The following ZDHHC16 variants were observed in gnomAD, a reference collection of about 807,000 sequenced individuals.
The protein encoded by ZDHHC16 is palmitoyltransferase ZDHHC16.
A neutral mutation model predicts 54.4 loss-of-function variants in ZDHHC16; 33 were observed. The ratio of observed to expected loss-of-function variants is 0.61; its 90% CI spans 0.46 to 0.81. ZDHHC16 has a LOEUF of 0.81. ZDHHC16 is among the 30% of genes least tolerant of loss of function. The pLI, the probability that ZDHHC16 is intolerant of heterozygous loss-of-function variation, is 0.00. For missense variants in ZDHHC16, 420 were observed against 485.9 expected, an observed-to-expected ratio of 0.86 and a Z score of 1.28; for synonymous variants, 185 against 182.1, an observed-to-expected ratio of 1.02 and a Z score of -0.13.
At chr10:97,455,938 TAGA>T in intron 10 of ZDHHC16, 33 bp from the exon 11 acceptor site, 1 of 1,613,270 alleles carries the variant, frequency 6.2e-7, no homozygotes, top group Non-Finnish European at 8.5e-7. Context: ...TCTGAAAAAT[TAGA>T]AGTTCAAAGA....
rs1394618179 is a variant in ZDHHC16 at position 97,457,063 on chromosome 10, G to A, written c.*172G>A. ...AGCCTTTTTACCACTGCAGAAGAAA[G>A]ACACAATGTGGAGAAATCTTAGGAC... On this transcript the variant is annotated 3_prime_UTR_variant, in exon 12 of 12. Coordinates refer to ENST00000393760, the MANE Select transcript of ZDHHC16 (RefSeq NM_198046.3). The A allele has an allele frequency of 6.9e-6, 3 of 437,760 alleles. No homozygotes were observed. Among genetic ancestry groups the A allele is most frequent in the Admixed American group, 7.6e-5 (2 of 26,282 alleles). 27.1% of individuals were successfully genotyped at this position (437,760 alleles called of 1,614,324 possible).
rs1363987382 is a variant in ZDHHC16 at position 97,449,809 on chromosome 10, C to T, written c.-185-548C>T. On this transcript the variant is annotated intron_variant, in intron 1 of 11. Transcript: ENST00000393760. Reference sequence around the variant, plus strand: ...CTTCCCAAAGTGTTGGGAGTACAGGCGTGAGCCACTGCGCCCGGCCTTTTT... The same window carrying T: ...CTTCCCAAAGTGTTGGGAGTACAGGTGTGAGCCACTGCGCCCGGCCTTTTT... Among the ~76,000 whole-genome samples the T allele has an allele frequency of 1.4e-4, 21 of 149,388 alleles. No individual in the cohort carries two copies. The South Asian group carries it at 3.2e-3, about 23-fold the overall frequency.
Position 97,456,054 on chromosome 10 carries a change from GAC to G in ZDHHC16, c.1019+16_1019+17del. On this transcript the variant is annotated intron_variant, in intron 11 of 11. Transcript: ENST00000393760. The stretch of plus-strand genomic sequence containing the variant: ...GTGTGGATACAGGAAGGTAATGTAA[GAC>G]ACACAGACTAATGCTGTCCAACAGA... 6.2e-7 allele frequency: 1 copy of G among 1,613,792 alleles called. No individual in the cohort carries two copies. The highest frequency in any genetic ancestry group is 8.5e-7 in the Non-Finnish European group (1 of 1,179,738).
At position 97,452,135 on chromosome 10, in the gene ZDHHC16, A is replaced by G. The variant is rs564204081; in HGVS notation, c.289A>G (p.Ile97Val). Residue 97 changes from isoleucine to valine, a missense_variant, in exon 4 of 12, where the codon ATC (isoleucine) becomes GTC (valine). Coordinates refer to ENST00000393760, the MANE Select transcript of ZDHHC16 (RefSeq NM_198046.3). ...CGTGCTGACAGGCTCCATTGTAGCT[A>G]TCGCCTACCTGTGTGTCCTGCCTCT... ...VIVLTGSIVA[I>V]AYLCVLPLIL... is the part of the protein sequence containing the mutation. 2.5e-5 allele frequency: 40 copies of G among 1,614,036 alleles called. No homozygotes were observed. Among genetic ancestry groups the G allele is most frequent in the East Asian group, 1.8e-4 (8 of 44,872 alleles).
intron 9 of ZDHHC16, among the ~76,000 whole-genome samples, chr10:97,455,360 T>C (rs1847071407): frequency 6.6e-6 from 1 of 151,568 alleles, no homozygotes; most frequent in South Asian, 2.1e-4. Flanking sequence ...AGTCTTGCTA[T>C]GTTGCCCAGG....
At chr10:97,453,020 C>A (rs969897325) in intron 6 of ZDHHC16, 97 bp downstream of exon 6, 1 of 1,519,368 alleles carries the variant, frequency 6.6e-7, no homozygotes, top group Non-Finnish European at 9.1e-7. Flanking sequence ...GTGCAGAGAA[C>A]ACTGGAGTTG....
rs746379497 is a variant in ZDHHC16 at position 97,452,081 on chromosome 10, T to G, written c.244-9T>G. 1 of 1,613,728 alleles carries G rather than the reference T, an allele frequency of 6.2e-7. No homozygotes were observed. The highest frequency in any genetic ancestry group is 8.5e-7 in the Non-Finnish European group (1 of 1,180,002). On this transcript the variant is annotated splice_polypyrimidine_tract_variant and intron_variant, in intron 3 of 11. Transcript: ENST00000393760. ...CGCCATGTCTCCCTGACCTTGCTGG[T>G]GTTGGCAGGTGTTCGTGGTCCTGGT...
chr10:97,448,838 A>G (rs1846338609), intron 1 of ZDHHC16, among the ~76,000 whole-genome samples: 1 of 152,244 alleles, frequency 6.6e-6, no homozygotes, highest in Admixed American at 6.5e-5. Flanking sequence ...GATTTAAAGT[A>G]TATGGGAAGA....
intron 1 of ZDHHC16, among the ~76,000 whole-genome samples, chr10:97,448,636 A>G (rs1415538687): frequency 1.3e-5 from 2 of 152,214 alleles, no homozygotes; most frequent in Non-Finnish European, 2.9e-5. Context: ...AGGTGCCTGT[A>G]ATCCCAGCTA....
chr10:97,449,812 G>A (rs1846432029), intron 1 of ZDHHC16, among the ~76,000 whole-genome samples: 1 of 150,970 alleles, frequency 6.6e-6, no homozygotes, highest in Non-Finnish European at 1.5e-5. Context: ...GTACAGGCGT[G>A]AGCCACTGCG....
rs199938548 is a variant in ZDHHC16, at chr10:97,453,541, A to G, written c.568A>G (p.Asn190Asp). Residue 190 changes from asparagine to aspartate, a missense_variant, in exon 7 of 12, where the codon AAT (asparagine) becomes GAT (aspartate). Physicochemically the swap from Asn to Asp is conservative, Grantham distance 23. Transcript: ENST00000393760. ...KMDHHCPWLN[N>D]CVGHYNHRYF... ...CATTTCCCAACCAGCCTGGCTAAAC[A>G]ATTGTGTGGGCCACTATAACCATCG... The G allele has an allele frequency of 6.2e-7, 1 of 1,614,080 alleles. No homozygotes were observed. Among genetic ancestry groups the G allele is most frequent in the Non-Finnish European group, 8.5e-7 (1 of 1,180,020 alleles).
chr10:97,451,876 T>C lies in ZDHHC16; in HGVS notation c.201T>C (p.Pro67=). The C allele has an allele frequency of 6.2e-7, 1 of 1,614,034 alleles. No individual in the cohort carries two copies. The highest frequency in any genetic ancestry group is 1.1e-5 in the South Asian group (1 of 91,058). Residue 67 remains proline (P), a synonymous_variant, in exon 3 of 12, where the codon CCT becomes CCC. Transcript: ENST00000393760. ...SDTAVDAAFE[P]VYWLVDNVIR... is the part of the protein sequence containing the mutation. The stretch of plus-strand genomic sequence containing the variant: ...CCGCTGTTGATGCTGCCTTTGAGCC[T>C]GTCTACTGGCTGGTAGACAACGTGA...
intron 1 of ZDHHC16, among the ~76,000 whole-genome samples, chr10:97,449,869 T>TTG (rs1846452659): frequency 7.8e-6 from 1 of 128,192 alleles, no homozygotes; most frequent in Admixed American, 7.4e-5. Context: ...TTCTTTTTTT[T>TTG]TTTTTTTTTT....
intron 1 of ZDHHC16, among the ~76,000 whole-genome samples, chr10:97,449,310 G>C (rs1846381900): frequency 6.6e-6 from 1 of 151,550 alleles, no homozygotes; most frequent in Non-Finnish European, 1.5e-5. Context: ...GGATTTGCAT[G>C]CCATTGCTAC....
At chr10:97,453,423 A>T in intron 6 of ZDHHC16, 107 bp from the exon 7 acceptor site, 1 of 1,463,392 alleles carries the variant, frequency 6.8e-7, no homozygotes, top group Non-Finnish European at 9.2e-7. Context: ...TAGTGACTGG[A>T]AGCCTGAGGC....
intron 2 of ZDHHC16, 119 bp from the exon 3 acceptor site, chr10:97,451,552 G>A: frequency 1.4e-6 from 2 of 1,393,754 alleles, no homozygotes; most frequent in Non-Finnish European, 1.9e-6. Context: ...GTTGGTGACT[G>A]GCCTAGCTGG....
At chr10:97,455,402 C>G (rs1452592798) in intron 9 of ZDHHC16, among the ~76,000 whole-genome samples, 1 of 152,212 alleles carries the variant, frequency 6.6e-6, no homozygotes, top group East Asian at 1.9e-4. Context: ...ATCTCAGTCT[C>G]CTGAGTTGCT....
At chr10:97,456,155 T>C (rs1051603210) in intron 11 of ZDHHC16, 111 bp downstream of exon 11, 42 of 1,095,910 alleles carry the variant, frequency 3.8e-5, no homozygotes, top group Non-Finnish European at 5.5e-5. Flanking sequence ...GTTAGCACAG[T>C]TCTAGACTCT....
Position 97,453,597 on chromosome 10 carries a change from T to A in ZDHHC16, c.624T>A (p.Thr208=), listed in dbSNP as rs1444135655. 6.2e-6 allele frequency: 10 copies of A among 1,614,066 alleles called. No homozygotes were observed. Among genetic ancestry groups the A allele is most frequent in the African/African-American group, 2.7e-5 (2 of 74,920 alleles). The part of the protein sequence containing the change: ...RYFFSFCFFM[T]LGCVYCSYGS... Reference sequence around the variant, plus strand: ...TCTTCTCTTTCTGCTTTTTCATGACTCTGGGCTGTGTCTACTGCAGCTATG... The same window carrying A: ...TCTTCTCTTTCTGCTTTTTCATGACACTGGGCTGTGTCTACTGCAGCTATG... Residue 208 remains threonine, a synonymous_variant, in exon 7 of 12, where the codon ACT becomes ACA. Coordinates refer to ENST00000393760, the MANE Select transcript of ZDHHC16 (RefSeq NM_198046.3).
Sources: allele counts gnomAD v4.1 joint callset (sites outside exome capture counted in the v4.1 genomes callset), GRCh38; gene constraint gnomAD v4.1.1; transcripts MANE v1.5; gene names NCBI Gene and HGNC (gene_info 2026-07-23, HGNC 2026-07-21).